YIPF4: variants seen among roughly 807,000 people sequenced by gnomAD.
The protein encoded by YIPF4 is Yip1 domain family member 4.
A neutral mutation model predicts 29.4 loss-of-function variants in YIPF4; 18 were observed. The observed-to-expected ratio is 0.61, with a 90% CI of 0.42 to 0.91. The LOEUF (loss-of-function observed/expected upper bound fraction) is 0.91, where lower values mean the gene tolerates loss of function less well. Ranked by LOEUF, YIPF4 falls within the 40% of genes least tolerant of loss-of-function variation. YIPF4 has a pLI of 0.00. For missense variants in YIPF4, 279 were observed against 282.7 expected (o/e 0.99, Z 0.09); for synonymous variants, 115 against 104.7 (o/e 1.10, Z -0.60).
chr2:32,300,434 TAAAAAA>T (rs78248257), intron 4 of YIPF4, among the ~76,000 whole-genome samples: 2 of 120,652 alleles, frequency 1.7e-5, no homozygotes, highest in Admixed American at 8.6e-5. Flanking sequence ...ACTCCGTCTT[TAAAAAA>T]AAAAAAAAAA....
In YIPF4 at chr2:32,278,052, A is replaced by T; in HGVS notation, c.-104A>T. 1.0e-6 allele frequency: 1 copy of T among 1,003,520 alleles called. No individual in the cohort carries two copies. Among genetic ancestry groups the T allele is most frequent in the Non-Finnish European group, 1.4e-6 (1 of 695,690 alleles). The allele number at this position is 1,003,520 out of a possible 1,614,324, so 62.2% of individuals were successfully genotyped here. ...TCGCAGCTTGCACGTCGAGACTCGT[A>T]GGCCGCACCGTAGGGCGAGCGTGCG... On this transcript the variant is annotated 5_prime_UTR_variant, in exon 1 of 6. Transcript: ENST00000238831.
intron 1 of YIPF4, among the ~76,000 whole-genome samples, chr2:32,280,250 C>T (rs1322954281): frequency 1.3e-5 from 2 of 151,766 alleles, no homozygotes; most frequent in Non-Finnish European, 2.9e-5. Context: ...GCCTCAGCCT[C>T]CCGAGTAGCT....
intron 1 of YIPF4, among the ~76,000 whole-genome samples, chr2:32,286,553 AT>A (rs915359920): frequency 2.6e-4 from 38 of 148,202 alleles, no homozygotes; most frequent in South Asian, 4.3e-4. Context: ...TGAAAAAAAC[AT>A]TTTTTTTTTT....
intron 3 of YIPF4, among the ~76,000 whole-genome samples, chr2:32,293,308 C>T (rs962629027): frequency 6.6e-6 from 1 of 152,088 alleles, no homozygotes; most frequent in Non-Finnish European, 1.5e-5. Context: ...GAGCATGCTG[C>T]CTTCAAGCAT....
In YIPF4 at chr2:32,316,042, C is replaced by CAAAAAAAAAAA. The variant is rs1024666738; in HGVS notation, c.*10421_*10431dup. 1 of 104,274 alleles carries CAAAAAAAAAAA rather than the reference C, an allele frequency of 9.6e-6. No homozygotes were observed. The highest frequency in any genetic ancestry group is 3.6e-5 in the African/African-American group (1 of 28,112). The allele number at this position is 104,274 out of a possible 1,614,324, so 6.5% of individuals were successfully genotyped here. On this transcript the variant is annotated 3_prime_UTR_variant, in exon 6 of 6. Transcript: ENST00000238831. ...CCAAAAAGGAAAAAAAAAAAAAAACCAAAAAAAAAAAAAAAGTATAAAGCA... is the reference window on the plus strand; with the variant it reads ...CCAAAAAGGAAAAAAAAAAAAAAACCAAAAAAAAAAAAAAAAAAAAAAAAAAGTATAAAGCA...
At chr2:32,290,451 G>A in intron 1 of YIPF4, 32 bp from the exon 2 acceptor site, 1 of 1,414,602 alleles carries the variant, frequency 7.1e-7, no homozygotes, top group East Asian at 2.7e-5. Context: ...TTGTGCCTTA[G>A]TTTATATAGT....
chr2:32,315,881 T>G lies in YIPF4; in HGVS notation c.*10255T>G, dbSNP rs912771383. The G allele has an allele frequency of 6.6e-6, 1 of 151,732 alleles. No individual in the cohort carries two copies. Among genetic ancestry groups the G allele is most frequent in the African/African-American group, 2.4e-5 (1 of 41,294 alleles). The allele number at this position is 151,732 out of a possible 1,614,324, so 9.4% of individuals were successfully genotyped here. On this transcript the variant is annotated 3_prime_UTR_variant, in exon 6 of 6. Transcript: ENST00000238831. ...AAGATGGGGCTTTCAAAGCGTTAAATGAAACACAGAAGCCATGGCCAGGCA... is the reference window on the plus strand; with the variant it reads ...AAGATGGGGCTTTCAAAGCGTTAAAGGAAACACAGAAGCCATGGCCAGGCA...
intron 5 of YIPF4, among the ~76,000 whole-genome samples, chr2:32,304,416 C>T (rs2031508077): frequency 6.9e-6 from 1 of 144,346 alleles, no homozygotes; most frequent in Admixed American, 7.0e-5. Context: ...CATAGGGTTA[C>T]TTTTTTTTTT....
At chr2:32,300,409 G>A (rs1365195908) in intron 4 of YIPF4, among the ~76,000 whole-genome samples, 1 of 151,226 alleles carries the variant, frequency 6.6e-6, no homozygotes, top group African/African-American at 2.4e-5. Flanking sequence ...ACTCCAGTGT[G>A]GGCGACAGAG....
Position 32,305,775 on chromosome 2 carries a change from T to A in YIPF4, c.*149T>A. ...GTCTAAGCGCTTTTTAAAACAATTT[T>A]TTTTTGTATTTAATTAAGCAATTGC... On this transcript the variant is annotated 3_prime_UTR_variant, in exon 6 of 6. Transcript: ENST00000238831. The A allele has an allele frequency of 8.0e-7, 1 of 1,247,422 alleles. No individual in the cohort carries two copies. The highest frequency in any genetic ancestry group is 1.0e-6 in the Non-Finnish European group (1 of 996,988). The allele number at this position is 1,247,422 out of a possible 1,614,324, so 77.3% of individuals were successfully genotyped here.
intron 1 of YIPF4, among the ~76,000 whole-genome samples, chr2:32,283,074 CAA>C (rs78012507): frequency 3.3e-4 from 23 of 68,756 alleles, no homozygotes; most frequent in Admixed American, 5.2e-4. Flanking sequence ...GAGACTGTCT[CAA>C]AAAAAAAAAA....
At position 32,290,659 on chromosome 2, in the gene YIPF4, A is replaced by T. The variant is rs199911263; in HGVS notation, c.233+23A>T. On this transcript the variant is annotated intron_variant, in intron 2 of 5. Transcript: ENST00000238831. ...CTTGTATGTAAAAATAATAATATAT[A>T]TTTTTTGTTTTTTGAGCTAGTCTGT... 8.1e-5 allele frequency: 112 copies of T among 1,387,914 alleles called. No homozygotes were observed. In the African/African-American group the frequency reaches 1.4e-3, roughly 18 times the overall value. 86.0% of individuals were successfully genotyped at this position (1,387,914 alleles called of 1,614,324 possible). A position where few individuals can be genotyped will look rare whatever the true frequency, so the allele number is the denominator to read the frequency against.
At chr2:32,299,277 AAAAT>A (rs756093116) in intron 4 of YIPF4, among the ~76,000 whole-genome samples, 1 of 152,254 alleles carries the variant, frequency 6.6e-6, no homozygotes, top group Non-Finnish European at 1.5e-5. Context: ...CATTTAAAGA[AAAAT>A]AACCATATTT....
Position 32,306,904 on chromosome 2 carries a change from G to T in YIPF4, c.*1278G>T. ...CGACCTCTTGGTATGTATTTCTTTA[G>T]CAAACTTACCCATCAGGAAATATCC... is the stretch of plus-strand genomic sequence containing the variant. On this transcript the variant is annotated 3_prime_UTR_variant, in exon 6 of 6. Coordinates refer to ENST00000238831, the MANE Select transcript of YIPF4 (RefSeq NM_032312.4). The T allele has an allele frequency of 3.4e-6, 1 of 289,936 alleles. No individual in the cohort carries two copies. 18.0% of individuals were successfully genotyped at this position (289,936 alleles called of 1,614,324 possible).
In YIPF4 at chr2:32,306,342, A is replaced by G. The variant is rs911974452; in HGVS notation, c.*716A>G. The G allele has an allele frequency of 9.1e-6, 9 of 985,842 alleles. No individual in the cohort carries two copies. Among genetic ancestry groups the G allele is most frequent in the Non-Finnish European group, 8.4e-6 (7 of 829,898 alleles). The allele number at this position is 985,842 out of a possible 1,614,324, so 61.1% of individuals were successfully genotyped here. ...CAAAACCATTTTTGAATGTCCAAAC[A>G]TCTGATTTAAAGTTTCTGTTTATCT... On this transcript the variant is annotated 3_prime_UTR_variant, in exon 6 of 6. Transcript: ENST00000238831.
chr2:32,278,079 G>T lies in YIPF4; in HGVS notation c.-77G>T. 7.5e-7 allele frequency: 1 copy of T among 1,330,836 alleles called. No individual in the cohort carries two copies. Among genetic ancestry groups the T allele is most frequent in the Non-Finnish European group, 1.0e-6 (1 of 979,968 alleles). 82.4% of individuals were successfully genotyped at this position (1,330,836 alleles called of 1,614,324 possible). ...GCCGCACCGTAGGGCGAGCGTGCGG[G>T]TCGCCGCCGCGGCCGCCTCGGGGTC... is the stretch of plus-strand genomic sequence containing the variant. On this transcript the variant is annotated 5_prime_UTR_variant, in exon 1 of 6. Transcript: ENST00000238831.
In YIPF4 at chr2:32,277,999, G is replaced by T. The variant is rs1313000937; in HGVS notation, c.-157G>T. The T allele has an allele frequency of 8.2e-6, 5 of 610,180 alleles. No individual in the cohort carries two copies. Among genetic ancestry groups the T allele is most frequent in the Non-Finnish European group, 1.4e-5 (5 of 364,526 alleles). 37.8% of individuals were successfully genotyped at this position (610,180 alleles called of 1,614,324 possible). ...TGGGGTAGTCTCGGGGCAGCTCAGC[G>T]GCCCGCTGTGCCCGTTTCTGGCCTC... is the stretch of plus-strand genomic sequence containing the variant. On this transcript the variant is annotated 5_prime_UTR_variant, in exon 1 of 6. Coordinates refer to ENST00000238831, the MANE Select transcript of YIPF4 (RefSeq NM_032312.4).
At position 32,307,061 on chromosome 2, in the gene YIPF4, G is replaced by C; in HGVS notation, c.*1435G>C. On this transcript the variant is annotated 3_prime_UTR_variant, in exon 6 of 6. Coordinates refer to ENST00000238831, the MANE Select transcript of YIPF4 (RefSeq NM_032312.4). Reference sequence around the variant, plus strand: ...AAAAGTGTGGAGCACTTTTGAGCTAGAATAATGTAGAAAATTACATGTACT... The same window carrying C: ...AAAAGTGTGGAGCACTTTTGAGCTACAATAATGTAGAAAATTACATGTACT... 8.1e-7 allele frequency: 1 copy of C among 1,240,386 alleles called. No homozygotes were observed. The highest frequency in any genetic ancestry group is 1.1e-6 in the Non-Finnish European group (1 of 951,520). The allele number at this position is 1,240,386 out of a possible 1,614,324, so 76.8% of individuals were successfully genotyped here.
At chr2:32,282,175 G>A (rs889436358) in intron 1 of YIPF4, among the ~76,000 whole-genome samples, 7 of 152,016 alleles carry the variant, frequency 4.6e-5, no homozygotes, top group Non-Finnish European at 1.0e-4. Flanking sequence ...ATGCACCTGC[G>A]ATCCCAGCTA....
Sources: gnomAD v4.1 joint callset for allele counts (sites outside exome capture counted in the v4.1 genomes callset) on GRCh38, gnomAD v4.1.1 for gene constraint, MANE v1.5 for transcripts, NCBI Gene and HGNC (gene_info 2026-07-23, HGNC 2026-07-21) for gene names.